ZFAND3: variants seen among roughly 807,000 people sequenced by gnomAD.
ZFAND3 encodes the protein AN1-type zinc finger protein 3.
In ZFAND3, 10 loss-of-function variants were observed where a neutral mutation model predicts 29.6. The observed-to-expected ratio is 0.34, with a 90% CI of 0.21 to 0.57. The LOEUF is 0.57. Ranked by LOEUF, ZFAND3 falls within the 20% of genes least tolerant of loss-of-function variation. The pLI is 0.86. For synonymous variants in ZFAND3, 128 were observed against 112.6 expected, an observed-to-expected ratio of 1.14 and a Z score of -0.87; for missense variants, 230 against 304.5, an observed-to-expected ratio of 0.76 and a Z score of 1.82.
chr6:37,928,328 C>T (rs1033262019), intron 1 of ZFAND3, among the ~76,000 whole-genome samples: 5 of 152,020 alleles, frequency 3.3e-5, no homozygotes, highest in Non-Finnish European at 7.4e-5. Flanking sequence ...TTTTTAGGGG[C>T]AGTTCTGGTC....
intron 2 of ZFAND3, among the ~76,000 whole-genome samples, chr6:38,030,731 AC>A (rs1763543243): frequency 6.6e-6 from 1 of 152,144 alleles, no homozygotes; most frequent in South Asian, 2.1e-4. Flanking sequence ...CCAAACAAAA[AC>A]CAAGGGAGTC....
intron 1 of ZFAND3, among the ~76,000 whole-genome samples, chr6:37,821,830 C>CTTTA (rs556201960): frequency 1.5e-3 from 235 of 152,168 alleles, no homozygotes; most frequent in African/African-American, 5.2e-3. Flanking sequence ...AGCCTTTTAC[C>CTTTA]TTTATTTATT....
intron 2 of ZFAND3, among the ~76,000 whole-genome samples, chr6:37,943,321 A>G (rs1240005185): frequency 6.6e-6 from 1 of 152,174 alleles, no homozygotes; most frequent in Admixed American, 6.5e-5. Flanking sequence ...TTTTCTGAGT[A>G]AAGATATTAA....
intron 1 of ZFAND3, among the ~76,000 whole-genome samples, chr6:37,854,290 A>G (rs1764336890): frequency 6.6e-6 from 1 of 152,200 alleles, no homozygotes; most frequent in Admixed American, 6.5e-5. Context: ...CTAGGTCTAC[A>G]AGGTAGGAGG....
intron 2 of ZFAND3, among the ~76,000 whole-genome samples, chr6:37,948,223 G>T (rs1156755365): frequency 6.6e-6 from 1 of 152,164 alleles, no homozygotes; most frequent in Non-Finnish European, 1.5e-5. Context: ...ATGGATTAAA[G>T]CAGTTTTTTC....
intron 2 of ZFAND3, among the ~76,000 whole-genome samples, chr6:37,983,008 A>G (rs1265455579): frequency 6.6e-6 from 1 of 152,254 alleles, no homozygotes; most frequent in Non-Finnish European, 1.5e-5. Flanking sequence ...AATGTTTTAA[A>G]ATAGACAAAA....
chr6:38,117,356 T>A (rs1765441194), intron 5 of ZFAND3, among the ~76,000 whole-genome samples: 1 of 150,470 alleles, frequency 6.6e-6, no homozygotes, highest in Non-Finnish European at 1.5e-5. Context: ...ATACCCAGTC[T>A]GAAATAGCTT....
intron 4 of ZFAND3, among the ~76,000 whole-genome samples, chr6:38,101,006 T>A (rs926180548): frequency 6.6e-6 from 1 of 152,192 alleles, no homozygotes; most frequent in Admixed American, 6.5e-5. Context: ...TACAGTACAA[T>A]TGTCAAAATT....
intron 2 of ZFAND3, among the ~76,000 whole-genome samples, chr6:37,952,161 T>C (rs1762009638): frequency 6.6e-6 from 1 of 152,170 alleles, no homozygotes; most frequent in South Asian, 2.1e-4. Flanking sequence ...GGTGTGAACT[T>C]TCATTTTTGT....
intron 2 of ZFAND3, among the ~76,000 whole-genome samples, chr6:38,041,681 T>TCTCCTTCTCCTTCTCCTTCTC (rs1419443328): frequency 7.3e-5 from 1 of 13,734 alleles, no homozygotes; most frequent in Non-Finnish European, 1.5e-4. Flanking sequence ...TTCTTCTTCT[T>TCTCCTTCTCCTTCTCCTTCTC]CTTCTCCTTC....
chr6:37,838,688 G>T (rs189846224), intron 1 of ZFAND3, among the ~76,000 whole-genome samples: 8 of 152,256 alleles, frequency 5.3e-5, no homozygotes, highest in African/African-American at 1.9e-4. Flanking sequence ...ACTCCATGTG[G>T]ATATACCACA....
intron 4 of ZFAND3, among the ~76,000 whole-genome samples, chr6:38,114,069 C>T (rs961826464): frequency 6.6e-6 from 1 of 152,188 alleles, no homozygotes; most frequent in African/African-American, 2.4e-5. Context: ...ATGAAAAGGC[C>T]TCAGCTGCCT....
At position 38,061,679 on chromosome 6, in the gene ZFAND3, G is replaced by A. The variant is rs936022079; in HGVS notation, c.199G>A (p.Asp67Asn). The A allele has an allele frequency of 6.2e-7, 1 of 1,614,148 alleles. No homozygotes were observed. The highest frequency in any genetic ancestry group is 8.5e-7 in the Non-Finnish European group (1 of 1,180,032). ...SDLFSEETTS[D>N]NNNTSITTPT... ...TTTGTTTTCCGAAGAGACCACCAGT[G>A]ACAACAACAATACCTCGATAACCAC... is the stretch of plus-strand genomic sequence containing the variant. Residue 67 changes from aspartate (D) to asparagine (N), a missense_variant, in exon 3 of 6, where the codon GAC becomes AAC. Transcript: ENST00000287218.
chr6:38,045,067 T>TTTATTTAC (rs1763871594), intron 2 of ZFAND3, among the ~76,000 whole-genome samples: 1 of 139,230 alleles, frequency 7.2e-6, no homozygotes, highest in Non-Finnish European at 1.5e-5. Context: ...TATTTATTTA[T>TTTATTTAC]TTATTTATTT....
chr6:37,918,699 G>A (rs1278784544), intron 1 of ZFAND3, among the ~76,000 whole-genome samples: 3 of 151,982 alleles, frequency 2.0e-5, no homozygotes, highest in Non-Finnish European at 4.4e-5. Context: ...TTGGCACTTG[G>A]GTAGGACAGG....
At chr6:38,151,466 A>G (rs927119045) in intron 5 of ZFAND3, among the ~76,000 whole-genome samples, 19 of 147,762 alleles carry the variant, frequency 1.3e-4, no homozygotes, top group African/African-American at 4.8e-4. Flanking sequence ...GGGCATCTCA[A>G]CCTCTCTCAC....
chr6:38,021,521 G>GA, intron 2 of ZFAND3, among the ~76,000 whole-genome samples: 2 of 152,048 alleles, frequency 1.3e-5, no homozygotes, highest in East Asian at 3.9e-4. Context: ...GGAACCGGAG[G>GA]AAAAAAACAC....
intron 2 of ZFAND3, among the ~76,000 whole-genome samples, chr6:38,029,413 G>A (rs1404671994): frequency 2.0e-5 from 3 of 152,144 alleles, no homozygotes; most frequent in African/African-American, 7.2e-5. Context: ...CTAAATACCA[G>A]CAAGCAAAGC....
rs907850556 is a variant in ZFAND3, at chr6:38,152,844, C to G, written c.*455C>G. The G allele has an allele frequency of 9.0e-5, 89 of 986,040 alleles. No homozygotes were observed. Among genetic ancestry groups the G allele is most frequent in the Non-Finnish European group, 1.0e-4 (83 of 830,190 alleles). The allele number at this position is 986,040 out of a possible 1,614,324, so 61.1% of individuals were successfully genotyped here. The stretch of plus-strand genomic sequence containing the variant: ...TCACCTCTTCACTTATCCTTAGTCC[C>G]AGTAGCCAGGATACCTGATGGCCAC... On this transcript the variant is annotated 3_prime_UTR_variant, in exon 6 of 6. Transcript: ENST00000287218.
Sources: allele counts gnomAD v4.1 joint callset (sites outside exome capture counted in the v4.1 genomes callset), GRCh38; gene constraint gnomAD v4.1.1; transcripts MANE v1.5; gene names NCBI Gene and HGNC (gene_info 2026-07-23, HGNC 2026-07-21).